CDH12: variants seen among roughly 807,000 people sequenced by gnomAD.
The protein encoded by CDH12 is cadherin 12.
A neutral mutation model predicts 74.1 loss-of-function variants in CDH12; 41 were observed. The ratio of observed to expected loss-of-function variants is 0.55; its 90% CI spans 0.43 to 0.72. The LOEUF (loss-of-function observed/expected upper bound fraction) is 0.72, where lower values mean the gene tolerates loss of function less well. Ranked by LOEUF, CDH12 falls within the 30% of genes least tolerant of loss-of-function variation. The pLI, the probability that CDH12 is intolerant of heterozygous loss-of-function variation, is 0.00. For missense variants in CDH12, 945 were observed against 977.2 expected, an observed-to-expected ratio of 0.97 and a Z score of 0.44; for synonymous variants, 399 against 355.0, an observed-to-expected ratio of 1.12 and a Z score of -1.39.
intron 3 of CDH12, among the ~76,000 whole-genome samples, chr5:22,317,349 A>G (rs1039418779): frequency 2.6e-5 from 4 of 152,058 alleles, no homozygotes; most frequent in African/African-American, 7.2e-5. Context: ...AGCCTAAAAT[A>G]TTTTATTACA....
chr5:22,635,498 C>T (rs1738792227), intron 1 of CDH12, among the ~76,000 whole-genome samples: 1 of 152,064 alleles, frequency 6.6e-6, no homozygotes, highest in South Asian at 2.1e-4. Context: ...TGGATTTCAC[C>T]AATGATAAAA....
chr5:21,949,649 G>A (rs535420081), intron 6 of CDH12, among the ~76,000 whole-genome samples: 1 of 151,982 alleles, frequency 6.6e-6, no homozygotes, highest in Non-Finnish European at 1.5e-5. Context: ...GTAGGACTAC[G>A]CTAGTATGTG....
At chr5:22,758,704 T>C (rs1299809108) in intron 1 of CDH12, among the ~76,000 whole-genome samples, 1 of 152,200 alleles carries the variant, frequency 6.6e-6, no homozygotes, top group African/African-American at 2.4e-5. Context: ...TATTTGCAAA[T>C]GTTTGTCCAT....
At chr5:22,702,365 T>A (rs973395909) in intron 1 of CDH12, among the ~76,000 whole-genome samples, 2 of 152,170 alleles carry the variant, frequency 1.3e-5, no homozygotes, top group Non-Finnish European at 1.5e-5. Context: ...AGGCAGATTC[T>A]GATAATCTCT....
chr5:22,146,936 G>T, intron 4 of CDH12, among the ~76,000 whole-genome samples: 1 of 151,540 alleles, frequency 6.6e-6, no homozygotes, highest in African/African-American at 2.4e-5. Flanking sequence ...AATAGGATCA[G>T]CTTAGCCATT....
chr5:22,398,026 C>T (rs879075464), intron 3 of CDH12, among the ~76,000 whole-genome samples: 16 of 152,136 alleles, frequency 1.1e-4, no homozygotes, highest in Admixed American at 3.3e-4. Context: ...ATTAACTACT[C>T]TTGCCACCAT....
intron 1 of CDH12, among the ~76,000 whole-genome samples, chr5:22,618,415 C>A (rs926194425): frequency 6.6e-6 from 1 of 151,986 alleles, no homozygotes; most frequent in Non-Finnish European, 1.5e-5. Context: ...CAGCAATTGC[C>A]GATGTAGTCT....
intron 6 of CDH12, among the ~76,000 whole-genome samples, chr5:21,880,877 G>A (rs1388269361): frequency 6.6e-6 from 1 of 151,600 alleles, no homozygotes; most frequent in African/African-American, 2.4e-5. Context: ...CTGAAGAGTG[G>A]GATTTTGCAC....
intron 5 of CDH12, among the ~76,000 whole-genome samples, chr5:22,044,429 A>C (rs1356185228): frequency 6.6e-6 from 1 of 152,154 alleles, no homozygotes; most frequent in African/African-American, 2.4e-5. Context: ...TGGTGGCAGG[A>C]GAGAGAGAGC....
intron 1 of CDH12, among the ~76,000 whole-genome samples, chr5:22,697,682 A>G (rs1580898382): frequency 6.6e-6 from 1 of 152,142 alleles, no homozygotes; most frequent in East Asian, 1.9e-4. Context: ...GGCAAAGCAC[A>G]TTGTTATGGA....
At chr5:22,022,356 T>A (rs951566457) in intron 5 of CDH12, among the ~76,000 whole-genome samples, 2 of 152,148 alleles carry the variant, frequency 1.3e-5, no homozygotes, top group Non-Finnish European at 2.9e-5. Context: ...CTTCACACAC[T>A]CTCTCCTGCA....
At chr5:21,771,324 G>A (rs1244890180) in intron 11 of CDH12, among the ~76,000 whole-genome samples, 4 of 152,070 alleles carry the variant, frequency 2.6e-5, no homozygotes, top group East Asian at 1.9e-4. Flanking sequence ...AACTCAGTAA[G>A]ATATAATAAA....
chr5:21,880,858 T>C (rs1052895716), intron 6 of CDH12, among the ~76,000 whole-genome samples: 3 of 151,842 alleles, frequency 2.0e-5, no homozygotes, highest in Non-Finnish European at 4.4e-5. Context: ...GGTTTATCAA[T>C]TTCTTGTTCT....
intron 6 of CDH12, among the ~76,000 whole-genome samples, chr5:21,930,097 G>C (rs558165510): frequency 1.3e-5 from 2 of 152,286 alleles, no homozygotes; most frequent in African/African-American, 4.8e-5. Context: ...GGATAATCTT[G>C]ATTTGGTAGA....
At chr5:22,239,088 C>A (rs916046842) in intron 3 of CDH12, among the ~76,000 whole-genome samples, 3 of 152,146 alleles carry the variant, frequency 2.0e-5, no homozygotes, top group Admixed American at 2.0e-4. Flanking sequence ...GAAAGATGCA[C>A]ATTAATTATG....
intron 3 of CDH12, among the ~76,000 whole-genome samples, chr5:22,275,641 T>C (rs1736599707): frequency 6.6e-6 from 1 of 152,188 alleles, no homozygotes; most frequent in Non-Finnish European, 1.5e-5. Context: ...GCTTAAATCA[T>C]TTTTTATCCC....
intron 2 of CDH12, among the ~76,000 whole-genome samples, chr5:22,462,789 A>G (rs1055683964): frequency 6.6e-6 from 1 of 152,202 alleles, no homozygotes; most frequent in African/African-American, 2.4e-5. Context: ...GTCAGAAAAA[A>G]GTATGTGAGA....
chr5:21,986,678 C>T (rs1439983958), intron 5 of CDH12, among the ~76,000 whole-genome samples: 2 of 151,976 alleles, frequency 1.3e-5, no homozygotes, highest in Non-Finnish European at 2.9e-5. Flanking sequence ...TCATTTCAAA[C>T]AATGTAGTTA....
At chr5:22,543,255 A>G (rs1311924663) in intron 1 of CDH12, among the ~76,000 whole-genome samples, 1 of 152,160 alleles carries the variant, frequency 6.6e-6, no homozygotes, top group Non-Finnish European at 1.5e-5. Context: ...TCTTAATGTT[A>G]TTTAAATAAA....
Sources: gnomAD v4.1 joint callset for allele counts (sites outside exome capture counted in the v4.1 genomes callset) on GRCh38, gnomAD v4.1.1 for gene constraint, MANE v1.5 for transcripts, NCBI Gene and HGNC (gene_info 2026-07-23, HGNC 2026-07-21) for gene names.